The following LPP variants were observed in gnomAD, a reference collection of about 807,000 sequenced individuals.
The protein encoded by LPP is LIM domain containing preferred translocation partner in lipoma, also known as lipoma-preferred partner.
In LPP, 38 loss-of-function variants were observed where a neutral mutation model predicts 60.4. The ratio of observed to expected loss-of-function variants is 0.63; its 90% CI spans 0.49 to 0.83. LPP has a LOEUF of 0.83. Ranked by LOEUF, LPP falls within the 40% of genes least tolerant of loss-of-function variation. The pLI is 0.00. For missense variants in LPP, 902 were observed against 783.6 expected, an observed-to-expected ratio of 1.15 and a Z score of -1.80; for synonymous variants, 328 against 290.8, an observed-to-expected ratio of 1.13 and a Z score of -1.30.
intron 1 of LPP, among the ~76,000 whole-genome samples, chr3:188,164,767 A>G (rs1719427626): frequency 6.6e-6 from 1 of 152,210 alleles, no homozygotes; most frequent in African/African-American, 2.4e-5. Context: ...GGGTTCCAGT[A>G]GTGACAGCTG....
chr3:188,307,337 G>A (rs1001476203), intron 2 of LPP, among the ~76,000 whole-genome samples: 1 of 152,146 alleles, frequency 6.6e-6, no homozygotes, highest in African/African-American at 2.4e-5. Flanking sequence ...CTTAAAAACA[G>A]TGTTGTCCAA....
chr3:188,626,566 T>C (rs1418871093), intron 7 of LPP, among the ~76,000 whole-genome samples: 3 of 152,090 alleles, frequency 2.0e-5, no homozygotes, highest in Non-Finnish European at 4.4e-5. Flanking sequence ...CAAGGTTGCT[T>C]TCCTCTAAGA....
At chr3:188,690,327 T>A (rs1051657227) in intron 7 of LPP, among the ~76,000 whole-genome samples, 2 of 152,006 alleles carry the variant, frequency 1.3e-5, no homozygotes, top group African/African-American at 4.8e-5. Flanking sequence ...CCTTTGGAGG[T>A]TAGAGCTTGA....
rs140795278 is a variant in LPP at position 188,531,158 on chromosome 3, C to A, written c.429+6371C>A. ...GCTGGAGATTTAGTAATTTGTGAAT[C>A]AAGTTGCTTTTGAATTGATTAAATG... is the stretch of plus-strand genomic sequence containing the variant. On this transcript the variant is annotated intron_variant, in intron 6 of 11. Transcript: ENST00000617246. Among the ~76,000 whole-genome samples, 5 of 152,220 alleles carry A rather than the reference C, an allele frequency of 3.3e-5. No individual in the cohort carries two copies. In the East Asian group the frequency reaches 9.7e-4, roughly 29 times the overall value.
Position 188,477,558 on chromosome 3 carries a change from T to C in LPP, c.194-7034T>C, listed in dbSNP as rs111445864. ...TGGGATGTATCCTCAATTTTTCTCT[T>C]GGCCTTTGCTGTAATGCATTTCCTG... is the stretch of plus-strand genomic sequence containing the variant. On this transcript the variant is annotated intron_variant, in intron 4 of 11. Coordinates refer to ENST00000617246, the MANE Select transcript of LPP (RefSeq NM_001375462.1). 6.8e-3 allele frequency among the ~76,000 whole-genome samples: 1,029 copies of C among 152,346 alleles called. 15 individuals are homozygous for C. Among genetic ancestry groups the C allele is most frequent in the African/African-American group, 0.023 (970 of 41,576 alleles).
intron 4 of LPP, among the ~76,000 whole-genome samples, chr3:188,468,672 G>C (rs1176156882): frequency 6.6e-6 from 1 of 152,112 alleles, no homozygotes; most frequent in Admixed American, 6.6e-5. Flanking sequence ...CCAGGAAGGG[G>C]ACTGTCACCA....
intron 5 of LPP, 75 bp downstream of exon 5, chr3:188,484,779 T>C: frequency 2.0e-6 from 2 of 1,016,830 alleles, no homozygotes; most frequent in Admixed American, 1.8e-5. Context: ...CCTAGGGAGC[T>C]CATGAATTTC....
intron 7 of LPP, among the ~76,000 whole-genome samples, chr3:188,676,124 TA>T (rs1246466130): frequency 2.0e-5 from 3 of 151,946 alleles, no homozygotes; most frequent in Admixed American, 6.6e-5. Context: ...AAAACGTTTT[TA>T]AAAAAAATAG....
intron 5 of LPP, among the ~76,000 whole-genome samples, chr3:188,488,285 A>T (rs935738226): frequency 6.6e-6 from 1 of 152,084 alleles, no homozygotes; most frequent in South Asian, 2.1e-4. Context: ...TGAATTTTTG[A>T]TATATGCTAT....
chr3:188,314,270 CA>C (rs1754383897), intron 2 of LPP, among the ~76,000 whole-genome samples: 1 of 151,918 alleles, frequency 6.6e-6, no homozygotes, highest in Non-Finnish European at 1.5e-5. Flanking sequence ...GAAAAGTATC[CA>C]CACTTATTTT....
In LPP at chr3:188,881,812, A is replaced by C. The variant is rs1770060512; in HGVS notation, c.*7333A>C. 1 of 217,588 alleles carries C rather than the reference A, an allele frequency of 4.6e-6. No homozygotes were observed. The highest frequency in any genetic ancestry group is 2.2e-5 in the African/African-American group (1 of 44,480). 13.5% of individuals were successfully genotyped at this position (217,588 alleles called of 1,614,324 possible). A position where few individuals can be genotyped will look rare whatever the true frequency, so the allele number is the denominator to read the frequency against. On this transcript the variant is annotated 3_prime_UTR_variant, in exon 12 of 12. Transcript: ENST00000617246. ...CCATATTTTCATATTAAATATTAAC[A>C]CTTTATAGGTTCTACTTTAATATAT...
chr3:188,379,636 A>T (rs770000034), intron 3 of LPP, among the ~76,000 whole-genome samples: 10 of 152,206 alleles, frequency 6.6e-5, no homozygotes, highest in Admixed American at 2.0e-4. Context: ...GAAGTTGCCC[A>T]TTCTGGACAT....
At chr3:188,319,770 T>G (rs546369696) in intron 2 of LPP, among the ~76,000 whole-genome samples, 2 of 152,254 alleles carry the variant, frequency 1.3e-5, no homozygotes, top group Non-Finnish European at 2.9e-5. Context: ...GAAATTATCA[T>G]TGGTGTAACA....
At position 188,352,384 on chromosome 3, in the gene LPP, A is replaced by G. The variant is rs1207773472; in HGVS notation, c.-10+10665A>G. 6.6e-6 allele frequency among the ~76,000 whole-genome samples: 1 copy of G among 152,180 alleles called. No homozygotes were observed. The highest frequency in any genetic ancestry group is 1.5e-5 in the Non-Finnish European group (1 of 68,042). On this transcript the variant is annotated intron_variant, in intron 3 of 11. Coordinates refer to ENST00000617246, the MANE Select transcript of LPP (RefSeq NM_001375462.1). This position sits in a 1 kb window ranked among gnomAD's most constrained non-coding sequence, Gnocchi z 4.4. ...CCATGACACTCCTTGGGCTCTGTTT[A>G]GATCAGCTATTTTCTGAAGGAGTCG...
chr3:188,163,843 C>T (rs953549262), intron 1 of LPP, among the ~76,000 whole-genome samples: 12 of 149,448 alleles, frequency 8.0e-5, no homozygotes, highest in African/African-American at 2.7e-4. Context: ...CCCAGCTACT[C>T]GGGAGGCTGA....
At chr3:188,514,326 A>G (rs1816686834) in intron 5 of LPP, among the ~76,000 whole-genome samples, 1 of 151,930 alleles carries the variant, frequency 6.6e-6, no homozygotes, top group Non-Finnish European at 1.5e-5. Flanking sequence ...ACCCAATGAT[A>G]GACTTCCTAC....
chr3:188,205,025 G>A (rs1732775109), intron 1 of LPP, among the ~76,000 whole-genome samples: 1 of 152,034 alleles, frequency 6.6e-6, no homozygotes. Flanking sequence ...CTACTTATTG[G>A]GCACCTTTTT....
rs1769190558 is a variant in LPP at position 188,875,867 on chromosome 3, A to T, written c.*1388A>T. ...TTAAGGAGAGACACCTAGCTTAGTC[A>T]TGGCAAGTTGCCATTTTGTAAACTA... On this transcript the variant is annotated 3_prime_UTR_variant, in exon 12 of 12. Coordinates refer to ENST00000617246, the MANE Select transcript of LPP (RefSeq NM_001375462.1). 1 of 190,488 alleles carries T rather than the reference A, an allele frequency of 5.2e-6. No homozygotes were observed. The highest frequency in any genetic ancestry group is 6.1e-5 in the Admixed American group (1 of 16,262). 11.8% of individuals were successfully genotyped at this position (190,488 alleles called of 1,614,324 possible).
chr3:188,481,111 A>T (rs1020437750), intron 4 of LPP, among the ~76,000 whole-genome samples: 2 of 152,150 alleles, frequency 1.3e-5, no homozygotes, highest in Non-Finnish European at 2.9e-5. Context: ...ATGAGCTCTG[A>T]GTTAGAATTC....
Sources: allele counts gnomAD v4.1 joint callset (sites outside exome capture counted in the v4.1 genomes callset), GRCh38; gene constraint gnomAD v4.1.1; non-coding constraint Gnocchi (gnomAD v3.1); transcripts MANE v1.5; gene names NCBI Gene and HGNC (gene_info 2026-07-23, HGNC 2026-07-21).